Variants in CENPS observed in about 807,000 individuals in gnomAD.
The protein encoded by CENPS is FANCM associated histone fold protein 1.
A neutral mutation model predicts 17.9 loss-of-function variants in CENPS; 16 were observed. The observed-to-expected ratio is 0.90, with a 90% CI of 0.61 to 1.36. The LOEUF is 1.36. Ranked by LOEUF, CENPS falls within the 40% of genes most tolerant of loss-of-function variation. CENPS has a pLI of 0.00. For synonymous variants in CENPS, 49 were observed against 55.8 expected, an observed-to-expected ratio of 0.88 and a Z score of 0.54; for missense variants, 160 against 158.6, an observed-to-expected ratio of 1.01 and a Z score of -0.05.
At position 10,440,394 on chromosome 1, in the gene CENPS, C is replaced by T. The variant is rs1640356122; in HGVS notation, c.257C>T (p.Ala86Val). The change falls in exon 4 of 5, where the codon GCC becomes GTC. Residue 86 changes from alanine to valine, a missense_variant. Coordinates refer to ENST00000309048, the MANE Select transcript of CENPS (RefSeq NM_199294.3). ...AACACTGAAGATGTGAAGCTCTTAG[C>T]CAGGAGGAGTAATTCACTGGTGAGA... ...TINTEDVKLL[A>V]RRSNSLLKYI... 1 of 1,613,832 alleles carries T rather than the reference C, an allele frequency of 6.2e-7. No individual in the cohort carries two copies. The highest frequency in any genetic ancestry group is 1.1e-5 in the South Asian group (1 of 91,048).
chr1:10,438,531 C>G (rs1640273627), intron 3 of CENPS, among the ~76,000 whole-genome samples: 1 of 152,148 alleles, frequency 6.6e-6, no homozygotes, highest in Admixed American at 6.5e-5. Context: ...GATAGATATT[C>G]TATAGGAAAT....
At chr1:10,437,875 GC>G (rs1057080521) in intron 3 of CENPS, among the ~76,000 whole-genome samples, 11 of 148,088 alleles carry the variant, frequency 7.4e-5, no homozygotes, top group African/African-American at 2.8e-4. Flanking sequence ...TGATTCTCCT[GC>G]CTCAGCCTCC....
chr1:10,431,334 C>T (rs1366762315), intron 1 of CENPS: 12 of 1,535,218 alleles, frequency 7.8e-6, no homozygotes, highest in Admixed American at 2.0e-5. Context: ...AGTTACACTG[C>T]AGCAGCTGTC....
intron 1 of CENPS, chr1:10,430,988 C>T (rs1373341521): frequency 1.2e-4 from 154 of 1,282,168 alleles, no homozygotes; most frequent in Non-Finnish European, 1.5e-4. Context: ...GCGTCGACCC[C>T]TCGTTACTGA....
At chr1:10,431,001 C>T (rs933322920) in intron 1 of CENPS, 2 of 1,291,552 alleles carry the variant, frequency 1.5e-6, no homozygotes, top group Non-Finnish European at 2.0e-6. Flanking sequence ...GTTACTGATG[C>T]AGGGACGCGG....
chr1:10,439,731 ACT>A (rs199741445), intron 3 of CENPS, among the ~76,000 whole-genome samples: 1,833 of 150,914 alleles, frequency 0.012, 36 homozygotes, highest in African/African-American at 0.042. Context: ...ACAGAACGAG[ACT>A]CTGTCTCAAA....
intron 1 of CENPS, among the ~76,000 whole-genome samples, chr1:10,432,524 C>G (rs1469311769): frequency 1.3e-5 from 2 of 152,170 alleles, no homozygotes; most frequent in Non-Finnish European, 2.9e-5. Flanking sequence ...ATGTAACCAA[C>G]TGTTCTAGGC....
intron 1 of CENPS, chr1:10,431,110 T>G: frequency 2.1e-6 from 3 of 1,412,102 alleles, no homozygotes; most frequent in Non-Finnish European, 2.8e-6. Flanking sequence ...CGCAATTTTC[T>G]TCTCTGCAAA....
intron 3 of CENPS, among the ~76,000 whole-genome samples, chr1:10,435,702 AATATATAT>A (rs71571900): frequency 8.8e-4 from 127 of 145,064 alleles, no homozygotes; most frequent in Non-Finnish European, 1.6e-3. Context: ...ACTTAAAAAT[AATATATAT>A]ATATATACAC....
intron 4 of CENPS, among the ~76,000 whole-genome samples, chr1:10,441,920 C>T (rs556172224): frequency 7.9e-5 from 12 of 151,860 alleles, no homozygotes; most frequent in East Asian, 2.0e-4. Context: ...CCACCGCACC[C>T]GACCTCTGGC....
At chr1:10,441,915 G>A (rs538087611) in intron 4 of CENPS, among the ~76,000 whole-genome samples, 12 of 152,030 alleles carry the variant, frequency 7.9e-5, no homozygotes, top group South Asian at 6.2e-4. Context: ...GTGAGCCACC[G>A]CACCCGACCT....
chr1:10,440,568 G>A (rs140905687), intron 4 of CENPS, among the ~76,000 whole-genome samples, 155 bp downstream of exon 4: 234 of 152,296 alleles, frequency 1.5e-3, no homozygotes, highest in African/African-American at 5.2e-3. Flanking sequence ...TTACAGTCTT[G>A]CTTTCATTAT....
chr1:10,430,649 G>C, intron 1 of CENPS, 81 bp downstream of exon 1: 2 of 1,477,988 alleles, frequency 1.4e-6, no homozygotes, highest in Non-Finnish European at 1.8e-6. Flanking sequence ...GCAGCCCCCG[G>C]CGGCTTCTCA....
rs1012613474 is a variant in CENPS, at chr1:10,433,984, C to T, written c.175+19C>T. 1.2e-6 allele frequency: 2 copies of T among 1,613,866 alleles called. No individual in the cohort carries two copies. The highest frequency in any genetic ancestry group is 1.3e-5 in the African/African-American group (1 of 74,918). On this transcript the variant is annotated intron_variant, in intron 2 of 4. Coordinates refer to ENST00000309048, the MANE Select transcript of CENPS (RefSeq NM_199294.3). ...CAGTGTGGTATGAAGCTTCGGCCTC[C>T]CCAGCCATGTCTGTAAACCCCAAAG...
chr1:10,434,547 TA>T (rs1640062705), intron 2 of CENPS, 109 bp from the exon 3 acceptor site: 2 of 1,497,724 alleles, frequency 1.3e-6, no homozygotes, highest in Non-Finnish European at 1.8e-6. Context: ...GAGGGTTTGT[TA>T]TATTAGTCAA....
At chr1:10,430,659 A>T (rs1316089790) in intron 1 of CENPS, 91 bp downstream of exon 1, 6 of 1,464,942 alleles carry the variant, frequency 4.1e-6, no homozygotes, top group South Asian at 1.3e-5. Context: ...GCGGCTTCTC[A>T]TCGGCACCCC....
Position 10,433,899 on chromosome 1 carries a change from G to A in CENPS, c.109G>A (p.Asp37Asn), listed in dbSNP as rs141209616. 8 of 1,614,034 alleles carry A rather than the reference G, an allele frequency of 5.0e-6. No individual in the cohort carries two copies. Among genetic ancestry groups the A allele is most frequent in the Non-Finnish European group, 6.8e-6 (8 of 1,180,038 alleles). ...TTGTCTTTGCGAGGAAGTTGCATTG[G>A]ACAAAGAGATGCAGTTCAGCAAACA... ...VGCLCEEVAL[D>N]KEMQFSKQTI... Residue 37 changes from aspartate (D) to asparagine (N), a missense_variant, in exon 2 of 5, where the codon GAC (aspartate) becomes AAC (asparagine). Asp to Asn is a conservative substitution (Grantham distance 23). Coordinates refer to ENST00000309048, the MANE Select transcript of CENPS (RefSeq NM_199294.3).
Position 10,442,732 on chromosome 1 carries a change from A to C in CENPS, c.*327A>C, listed in dbSNP as rs1640468025. 1 of 205,400 alleles carries C rather than the reference A, an allele frequency of 4.9e-6. No individual in the cohort carries two copies. The highest frequency in any genetic ancestry group is 2.3e-5 in the African/African-American group (1 of 43,532). The allele number at this position is 205,400 out of a possible 1,614,324, so 12.7% of individuals were successfully genotyped here. Reference sequence around the variant, plus strand: ...AAACATGGTTGACTTTTTCAAGCAAAAATCAGTTCATCTTTTGATGTAATT... The same window carrying C: ...AAACATGGTTGACTTTTTCAAGCAACAATCAGTTCATCTTTTGATGTAATT... On this transcript the variant is annotated 3_prime_UTR_variant, in exon 5 of 5. Transcript: ENST00000309048.
In CENPS at chr1:10,442,430, A is replaced by G. The variant is rs1230774604; in HGVS notation, c.*25A>G. 1.9e-6 allele frequency: 3 copies of G among 1,543,596 alleles called. No individual in the cohort carries two copies. Among genetic ancestry groups the G allele is most frequent in the East Asian group, 2.4e-5 (1 of 42,244 alleles). On this transcript the variant is annotated 3_prime_UTR_variant, in exon 5 of 5. Transcript: ENST00000309048. ...AAGTCCCTCGCCGCTTGGAAAGTGC[A>G]GCCTTCTACAGGTAGAGCCACCTAG... is the stretch of plus-strand genomic sequence containing the variant.
Sources: allele counts gnomAD v4.1 joint callset (sites outside exome capture counted in the v4.1 genomes callset), GRCh38; gene constraint gnomAD v4.1.1; transcripts MANE v1.5; gene names NCBI Gene and HGNC (gene_info 2026-07-23, HGNC 2026-07-21).